Variants in GDAP1 observed in about 807,000 individuals in gnomAD.
The protein encoded by GDAP1 is ganglioside-induced differentiation-associated protein 1.
Under a neutral mutation model 40.1 loss-of-function variants are expected in GDAP1, and 34 were observed. The ratio of observed to expected loss-of-function variants is 0.85; its 90% CI spans 0.64 to 1.13. GDAP1 has a LOEUF of 1.13. GDAP1 is among the 50% of genes most tolerant of loss of function. The pLI is 0.00. For missense variants in GDAP1, 374 were observed against 433.7 expected (o/e 0.86, Z 1.22); for synonymous variants, 170 against 157.4 (o/e 1.08, Z -0.60).
intron 2 of GDAP1, among the ~76,000 whole-genome samples, chr8:74,484,672 CT>C (rs1586849772): frequency 6.6e-6 from 1 of 152,084 alleles, no homozygotes; most frequent in East Asian, 1.9e-4. Flanking sequence ...CTCCTGGGAA[CT>C]GGCAAAAATG....
chr8:74,356,096 A>G (rs567757615), intron 2 of GDAP1, among the ~76,000 whole-genome samples: 1 of 152,350 alleles, frequency 6.6e-6, no homozygotes, highest in East Asian at 1.9e-4. Context: ...GCTCTTGTAT[A>G]TAGTTGAATA....
Position 74,364,186 on chromosome 8 carries a change from T to C in GDAP1, c.896T>C (p.Ile299Thr). The change falls in exon 6 of 6, where the codon ATA (isoleucine) becomes ACA (threonine). Residue 299 changes from isoleucine to threonine, a missense_variant. Physicochemically the swap from Ile to Thr is moderately conservative, Grantham distance 89. Coordinates refer to ENST00000220822, the MANE Select transcript of GDAP1 (RefSeq NM_018972.4). ...AAGGTTTTAGGACATGTCAACAATA[T>C]ATTAATCTCTGCAGTGCTGCCAACA... ...FNKVLGHVNNILISAVLPTAF... is the reference protein window; with the variant it reads ...FNKVLGHVNNTLISAVLPTAF... 6.2e-7 allele frequency: 1 copy of C among 1,614,106 alleles called. No individual in the cohort carries two copies. The highest frequency in any genetic ancestry group is 8.5e-7 in the Non-Finnish European group (1 of 1,179,984).
intron 2 of GDAP1, among the ~76,000 whole-genome samples, chr8:74,446,863 C>T (rs76256044): frequency 0.03 from 4,628 of 152,082 alleles, 234 homozygotes; most frequent in African/African-American, 0.11. Context: ...TAGGCAAATT[C>T]ATAGAGACAG....
At chr8:74,416,536 G>GT (rs1185267732) in intron 2 of GDAP1, among the ~76,000 whole-genome samples, 1 of 150,192 alleles carries the variant, frequency 6.7e-6, no homozygotes, top group Non-Finnish European at 1.5e-5. Flanking sequence ...TGACTAGTTC[G>GT]TTACTACTAC....
intron 2 of GDAP1, among the ~76,000 whole-genome samples, chr8:74,358,258 C>T (rs965181679): frequency 2.6e-5 from 4 of 152,204 alleles, no homozygotes; most frequent in African/African-American, 4.8e-5. Context: ...TTCCTGCTCT[C>T]ATTCACTTTC....
At position 74,438,933 on chromosome 8, in the gene GDAP1, A is replaced by G. The variant is rs78816145; in HGVS notation, c.166-49745A>G. ...AGTTTTTTATTCGTATTGGTTTATA[A>G]GTATTCATATATAATCTGGATAGTA... On this transcript the variant is annotated intron_variant, in intron 2 of 2. Transcript: ENST00000523640. Among the ~76,000 whole-genome samples, 835 of 152,222 alleles carry G rather than the reference A, an allele frequency of 5.5e-3. 3 individuals are homozygous for G. The highest frequency in any genetic ancestry group is 0.014 in the Middle Eastern group (4 of 294).
At chr8:74,468,121 T>G (rs555055350) in intron 2 of GDAP1, among the ~76,000 whole-genome samples, 1 of 152,254 alleles carries the variant, frequency 6.6e-6, no homozygotes, top group South Asian at 2.1e-4. Context: ...GTTCTATTTT[T>G]TTTTGGTCTG....
intron 2 of GDAP1, among the ~76,000 whole-genome samples, chr8:74,412,091 A>G (rs913524101): frequency 6.7e-6 from 1 of 149,958 alleles, no homozygotes; most frequent in African/African-American, 2.5e-5. Flanking sequence ...TAGCGATGTC[A>G]TTCAAGATTC....
At chr8:74,418,797 T>C (rs1805819501) in intron 2 of GDAP1, among the ~76,000 whole-genome samples, 1 of 152,200 alleles carries the variant, frequency 6.6e-6, no homozygotes, top group Non-Finnish European at 1.5e-5. Context: ...GCAAAGGTCA[T>C]GTATTTAAAA....
chr8:74,390,256 G>C (rs1464574961), intron 2 of GDAP1, among the ~76,000 whole-genome samples: 1 of 152,178 alleles, frequency 6.6e-6, no homozygotes, highest in Non-Finnish European at 1.5e-5. Context: ...TGGAGGAGTA[G>C]AGGCATTCTG....
rs534484277 is a variant in GDAP1 at position 74,403,692 on chromosome 8, G to A, written c.165+52371G>A. Among the ~76,000 whole-genome samples the A allele has an allele frequency of 2.3e-4, 34 of 150,340 alleles. 3 individuals are homozygous for A. The highest frequency in any genetic ancestry group is 4.1e-4 in the South Asian group (2 of 4,826). On this transcript the variant is annotated intron_variant, in intron 2 of 2. Coordinates refer to the GDAP1 transcript ENST00000523640. ...TTTCTGACCTTGCCGGGTCTCTGTA[G>A]TGTATGTGTTAGTAACTTTTACAGA... is the stretch of plus-strand genomic sequence containing the variant.
chr8:74,483,938 G>A (rs1806744455), intron 2 of GDAP1, among the ~76,000 whole-genome samples: 1 of 152,158 alleles, frequency 6.6e-6, no homozygotes, highest in Non-Finnish European at 1.5e-5. Context: ...GATTTCGACA[G>A]GATGAAGTGA....
chr8:74,437,047 C>G (rs991658142), intron 2 of GDAP1, among the ~76,000 whole-genome samples: 2 of 152,102 alleles, frequency 1.3e-5, no homozygotes, highest in Admixed American at 6.6e-5. Flanking sequence ...TTATAGGACA[C>G]TTAACACAAT....
At chr8:74,432,460 A>C (rs1357049386) in intron 2 of GDAP1, among the ~76,000 whole-genome samples, 2 of 152,284 alleles carry the variant, frequency 1.3e-5, no homozygotes, top group East Asian at 3.9e-4. Context: ...CCCAGTATTT[A>C]GTAAATAAAA....
rs907320633 is a variant in GDAP1 at position 74,414,206 on chromosome 8, A to G, written c.165+62885A>G. 3.1e-4 allele frequency among the ~76,000 whole-genome samples: 46 copies of G among 150,388 alleles called. 5 individuals carry two copies. The highest frequency in any genetic ancestry group is 9.3e-4 in the African/African-American group (37 of 39,666). ...CAATACTATCTGTTGGACTTGATCAATATCCAGAGTCCCTTAACATAATAT... is the reference window on the plus strand; with the variant it reads ...CAATACTATCTGTTGGACTTGATCAGTATCCAGAGTCCCTTAACATAATAT... On this transcript the variant is annotated intron_variant, in intron 2 of 2. Transcript: ENST00000523640.
At chr8:74,416,536 G>A (rs1805781462) in intron 2 of GDAP1, among the ~76,000 whole-genome samples, 2 of 150,192 alleles carry the variant, frequency 1.3e-5, no homozygotes, top group African/African-American at 5.1e-5. Context: ...TGACTAGTTC[G>A]TTACTACTAC....
chr8:74,486,804 A>G (rs555904705), intron 2 of GDAP1, among the ~76,000 whole-genome samples: 36 of 152,288 alleles, frequency 2.4e-4, no homozygotes, highest in Non-Finnish European at 3.7e-4. Flanking sequence ...CCTATGACTT[A>G]AATCAAGTCA....
chr8:74,403,741 G>A (rs1168994640), intron 2 of GDAP1, among the ~76,000 whole-genome samples: 1 of 150,138 alleles, frequency 6.7e-6, no homozygotes, highest in East Asian at 1.9e-4. Flanking sequence ...CAGTGAGGAT[G>A]AACTGTAATC....
At chr8:74,371,400 C>T (rs1046274052), downstream of GDAP1, among the ~76,000 whole-genome samples, 2 of 152,190 alleles carry the variant, frequency 1.3e-5, no homozygotes, top group African/African-American at 4.8e-5. Flanking sequence ...GTGGCTCACG[C>T]CTGTAATCCC....
Sources: allele counts gnomAD v4.1 joint callset (sites outside exome capture counted in the v4.1 genomes callset), GRCh38; gene constraint gnomAD v4.1.1; transcripts MANE v1.5; gene names NCBI Gene and HGNC (gene_info 2026-07-23, HGNC 2026-07-21).